IFT57: variants seen among roughly 807,000 people sequenced by gnomAD.
The protein encoded by IFT57 is intraflagellar transport 57.
A neutral mutation model predicts 56.8 loss-of-function variants in IFT57; 59 were observed. That is an observed-to-expected ratio of 1.04 (90% CI 0.84 to 1.29). The LOEUF (loss-of-function observed/expected upper bound fraction) is 1.29, where lower values mean the gene tolerates loss of function less well. Ranked by LOEUF, IFT57 falls within the 50% of genes most tolerant of loss-of-function variation. The pLI, the probability that IFT57 is intolerant of heterozygous loss-of-function variation, is 0.00. For missense variants in IFT57, 470 were observed against 522.1 expected, an observed-to-expected ratio of 0.90 and a Z score of 0.97; for synonymous variants, 209 against 186.1, an observed-to-expected ratio of 1.12 and a Z score of -1.00.
chr3:108,212,146 C>T (rs758426810), intron 4 of IFT57, among the ~76,000 whole-genome samples: 3 of 152,106 alleles, frequency 2.0e-5, no homozygotes, highest in Non-Finnish European at 2.9e-5. Flanking sequence ...CCATGCCTGG[C>T]ATTTTTTTCT....
At chr3:108,174,344 TGAAGAA>T (rs10576911) in intron 6 of IFT57, among the ~76,000 whole-genome samples, 14 of 150,694 alleles carry the variant, frequency 9.3e-5, no homozygotes, top group African/African-American at 1.7e-4. Flanking sequence ...TGTGTCAAAA[TGAAGAA>T]GAAGAAGTGG....
Position 108,206,739 on chromosome 3 carries a change from A to T in IFT57, c.586-43T>A, listed in dbSNP as rs1387561416. On this transcript the variant is annotated intron_variant, in intron 4 of 10. Transcript: ENST00000264538. Reference sequence around the variant, plus strand: ...TAAAAAATTATTAAAAATTATAATTAAAAAATATATTTCCAGTTTCCACCT... The same window carrying T: ...TAAAAAATTATTAAAAATTATAATTTAAAAATATATTTCCAGTTTCCACCT... The T allele has an allele frequency of 4.6e-6, 3 of 648,174 alleles. No individual in the cohort carries two copies. The South Asian group carries it at 1.2e-4, about 27-fold the overall frequency. 40.2% of individuals were successfully genotyped at this position (648,174 alleles called of 1,614,324 possible).
At chr3:108,195,683 T>A (rs749602518) in intron 5 of IFT57, among the ~76,000 whole-genome samples, 6 of 152,104 alleles carry the variant, frequency 3.9e-5, no homozygotes, top group Non-Finnish European at 8.8e-5. Context: ...ATGGATGGAA[T>A]TGGAGGTCAT....
chr3:108,195,662 T>C (rs1194652808), intron 5 of IFT57, among the ~76,000 whole-genome samples: 1 of 152,154 alleles, frequency 6.6e-6, no homozygotes, highest in African/African-American at 2.4e-5. Context: ...AATTTTGTCA[T>C]TTGTAGCAAC....
chr3:108,165,370 G>C, intron 9 of IFT57, 61 bp downstream of exon 9: 1 of 1,347,546 alleles, frequency 7.4e-7, no homozygotes, highest in African/African-American at 1.4e-5. Flanking sequence ...CCATTTGTAG[G>C]TTCTCAATGG....
intron 5 of IFT57, among the ~76,000 whole-genome samples, chr3:108,194,866 T>C (rs1047528021): frequency 2.0e-5 from 3 of 151,918 alleles, no homozygotes; most frequent in African/African-American, 7.2e-5. Flanking sequence ...CTTCAATCTA[T>C]GACATGAAAA....
intron 1 of IFT57, 129 bp from the exon 2 acceptor site, chr3:108,219,701 G>C (rs1022013898): frequency 5.6e-6 from 5 of 891,904 alleles, no homozygotes; most frequent in Non-Finnish European, 8.6e-6. Context: ...AAAAGACCTC[G>C]ATAATTCACC....
rs1381562580 is a variant in IFT57 at position 108,205,883 on chromosome 3, A to C, written c.654+745T>G. Among the ~76,000 whole-genome samples, 15 of 134,452 alleles carry C rather than the reference A, an allele frequency of 1.1e-4. No homozygotes were observed. In the Admixed American group the frequency reaches 1.2e-3, roughly 11 times the overall value. 88.2% of individuals were successfully genotyped at this position (134,452 alleles called of 152,430 possible). A position where few individuals can be genotyped will look rare whatever the true frequency, so the allele number is the denominator to read the frequency against. ...TATATAACATATTTATTATATATTA[A>C]TATATTTATAATACATAATTATATA... On this transcript the variant is annotated intron_variant, in intron 5 of 10. Transcript: ENST00000264538.
rs139618382 is a variant in IFT57 at position 108,173,254 on chromosome 3, A to AACAC, written c.778-5394_778-5391dup. On this transcript the variant is annotated intron_variant, in intron 6 of 10. Coordinates refer to ENST00000264538, the MANE Select transcript of IFT57 (RefSeq NM_018010.4). ...CTGTTTGGGGATACAAACATATGCA[A>AACAC]ACACACACACACACAAAGACACTGT... is the stretch of plus-strand genomic sequence containing the variant. Among the ~76,000 whole-genome samples, 12 of 151,510 alleles carry AACAC rather than the reference A, an allele frequency of 7.9e-5. No homozygotes were observed. The East Asian group carries it at 1.6e-3, about 20-fold the overall frequency.
intron 5 of IFT57, among the ~76,000 whole-genome samples, chr3:108,197,666 G>C (rs1404280044): frequency 1.3e-5 from 2 of 152,062 alleles, no homozygotes; most frequent in Non-Finnish European, 2.9e-5. Context: ...CTACTGAGAG[G>C]GTGTTAAAAG....
At position 108,191,669 on chromosome 3, in the gene IFT57, T is replaced by C. The variant is rs751464539; in HGVS notation, c.655-26A>G. On this transcript the variant is annotated intron_variant, in intron 5 of 10. Coordinates refer to ENST00000264538, the MANE Select transcript of IFT57 (RefSeq NM_018010.4). The stretch of plus-strand genomic sequence containing the variant: ...CTAAGAAAGGAAAGATATCACAAGA[T>C]TGAGAGTTTATAAAAAGAAATGGTA... 25 of 1,572,816 alleles carry C rather than the reference T, an allele frequency of 1.6e-5. No homozygotes were observed. In the East Asian group the frequency reaches 5.0e-4, roughly 31 times the overall value.
chr3:108,196,463 T>C (rs2080244976), intron 5 of IFT57, among the ~76,000 whole-genome samples: 1 of 152,212 alleles, frequency 6.6e-6, no homozygotes, highest in South Asian at 2.1e-4. Flanking sequence ...GCAGTGGCCA[T>C]TTGAACTAGA....
chr3:108,199,636 T>G (rs931493648), intron 5 of IFT57, among the ~76,000 whole-genome samples: 2 of 152,246 alleles, frequency 1.3e-5, no homozygotes, highest in African/African-American at 4.8e-5. Flanking sequence ...GTGCAATCAC[T>G]GTATTTATTA....
intron 5 of IFT57, among the ~76,000 whole-genome samples, chr3:108,205,830 A>G (rs1302476939): frequency 6.9e-5 from 8 of 115,114 alleles, no homozygotes; most frequent in Admixed American, 6.5e-4. Context: ...TATTATTTAT[A>G]TATTATTTAA....
intron 4 of IFT57, among the ~76,000 whole-genome samples, chr3:108,207,473 AT>A (rs2080319808): frequency 6.6e-6 from 1 of 152,124 alleles, no homozygotes; most frequent in South Asian, 2.1e-4. Flanking sequence ...TTTAACAAGG[AT>A]ATTTCAACCT....
chr3:108,163,602 G>A (rs2080045881), intron 10 of IFT57, 61 bp downstream of exon 10: 1 of 1,091,834 alleles, frequency 9.2e-7, no homozygotes, highest in Admixed American at 1.8e-5. Context: ...TGTTAAGTAG[G>A]TTTCTTGAAG....
At chr3:108,202,525 C>T (rs1560120255) in intron 5 of IFT57, among the ~76,000 whole-genome samples, 1 of 152,168 alleles carries the variant, frequency 6.6e-6, no homozygotes, top group East Asian at 1.9e-4. Flanking sequence ...GTAGCTTTGG[C>T]TAAATTTCAG....
At chr3:108,220,571 C>T (rs1186059274) in intron 1 of IFT57, among the ~76,000 whole-genome samples, 3 of 152,180 alleles carry the variant, frequency 2.0e-5, no homozygotes, top group Admixed American at 6.5e-5. Context: ...AAAGCACCCA[C>T]CCACCAAAAA....
intron 5 of IFT57, among the ~76,000 whole-genome samples, chr3:108,194,979 C>G (rs2080235837): frequency 6.6e-6 from 1 of 151,998 alleles, no homozygotes; most frequent in African/African-American, 2.4e-5. Context: ...GGGATCATGT[C>G]AAGCTAAAAA....
Sources: gnomAD v4.1 joint callset for allele counts (sites outside exome capture counted in the v4.1 genomes callset) on GRCh38, gnomAD v4.1.1 for gene constraint, MANE v1.5 for transcripts, NCBI Gene and HGNC (gene_info 2026-07-23, HGNC 2026-07-21) for gene names.